GRM8: variants seen among roughly 807,000 people sequenced by gnomAD.
The protein encoded by GRM8 is metabotropic glutamate receptor 8.
A neutral mutation model predicts 87.2 loss-of-function variants in GRM8; 47 were observed. The ratio of observed to expected loss-of-function variants is 0.54; its 90% CI spans 0.43 to 0.69. GRM8 has a LOEUF of 0.69. Among genes scored for constraint, GRM8 ranks in the 30% least tolerant of loss-of-function variants. The pLI is 0.00. For missense variants in GRM8, 1,019 were observed against 1,139.2 expected (o/e 0.89, Z 1.52); for synonymous variants, 396 against 404.5 (o/e 0.98, Z 0.25).
chr7:127,066,404 T>G (rs764504544), intron 3 of GRM8, among the ~76,000 whole-genome samples: 1 of 152,204 alleles, frequency 6.6e-6, no homozygotes, highest in Non-Finnish European at 1.5e-5. Flanking sequence ...TAAACCACAT[T>G]ATGGGAAAAT....
rs542240195 is a variant in GRM8, at chr7:126,860,274, G to T, written c.1156+42268C>A. Among the ~76,000 whole-genome samples the T allele has an allele frequency of 2.0e-5, 3 of 152,094 alleles. No homozygotes were observed. In the South Asian group the frequency reaches 6.2e-4, roughly 32 times the overall value. ...ACCTCCTCCTCAACTCTCTGACTTC[G>T]TCTTCTGTTGCTCTTCCCTTTGCTA... is the stretch of plus-strand genomic sequence containing the variant. On this transcript the variant is annotated intron_variant, in intron 6 of 10. Coordinates refer to ENST00000339582, the MANE Select transcript of GRM8 (RefSeq NM_000845.3).
intron 3 of GRM8, among the ~76,000 whole-genome samples, chr7:127,035,755 G>T (rs149360805): frequency 0.011 from 1,609 of 152,238 alleles, 11 homozygotes; most frequent in Non-Finnish European, 0.014. Flanking sequence ...CATGCCTAGA[G>T]GGACCTATTA....
At chr7:127,000,211 G>A (rs1813591653) in intron 3 of GRM8, among the ~76,000 whole-genome samples, 1 of 151,734 alleles carries the variant, frequency 6.6e-6, no homozygotes, top group African/African-American at 2.4e-5. Context: ...AACTCATGGA[G>A]AGAGCAGAAG....
intron 6 of GRM8, among the ~76,000 whole-genome samples, chr7:126,898,890 G>A (rs1338283328): frequency 6.6e-6 from 1 of 151,770 alleles, no homozygotes; most frequent in Non-Finnish European, 1.5e-5. Context: ...TTTAAGCCCC[G>A]CATGCATTAG....
At chr7:126,458,361 A>T (rs1236862800) in intron 9 of GRM8, among the ~76,000 whole-genome samples, 1 of 151,264 alleles carries the variant, frequency 6.6e-6, no homozygotes, top group Non-Finnish European at 1.5e-5. Flanking sequence ...TATGCCAGGA[A>T]AATGTAAACA....
intron 9 of GRM8, among the ~76,000 whole-genome samples, chr7:126,507,715 C>T (rs968740564): frequency 4.6e-5 from 7 of 152,130 alleles, no homozygotes; most frequent in African/African-American, 9.6e-5. Context: ...GATGAAGGTC[C>T]GCAGCCCAGG....
At chr7:126,834,157 C>T (rs1795642269) in intron 6 of GRM8, among the ~76,000 whole-genome samples, 1 of 152,198 alleles carries the variant, frequency 6.6e-6, no homozygotes, top group East Asian at 1.9e-4. Flanking sequence ...TATAGATGTA[C>T]TCAGTGTCCA....
chr7:126,751,719 T>C (rs984167171), intron 7 of GRM8, among the ~76,000 whole-genome samples: 9 of 152,104 alleles, frequency 5.9e-5, no homozygotes, highest in African/African-American at 1.9e-4. Context: ...GAACAGACAA[T>C]AGGGAGGGCT....
chr7:126,750,953 C>A (rs1816344852), intron 7 of GRM8, among the ~76,000 whole-genome samples: 1 of 152,076 alleles, frequency 6.6e-6, no homozygotes, highest in Admixed American at 6.6e-5. Flanking sequence ...AGTCACAAAT[C>A]CTGGCTTCAC....
chr7:126,858,330 T>C (rs1294578595), intron 6 of GRM8, among the ~76,000 whole-genome samples: 1 of 152,128 alleles, frequency 6.6e-6, no homozygotes, highest in Non-Finnish European at 1.5e-5. Flanking sequence ...AATTTTTAAA[T>C]TTACTCCTAT....
intron 3 of GRM8, among the ~76,000 whole-genome samples, chr7:127,078,727 C>A (rs1344619199): frequency 6.6e-6 from 1 of 152,132 alleles, no homozygotes; most frequent in Non-Finnish European, 1.5e-5. Context: ...GCAATCAGGG[C>A]TATTTTAAAG....
intron 7 of GRM8, among the ~76,000 whole-genome samples, chr7:126,636,512 G>A (rs1253941894): frequency 6.6e-6 from 1 of 152,026 alleles, no homozygotes; most frequent in Non-Finnish European, 1.5e-5. Context: ...GTCTGTACAT[G>A]TTCAATACAA....
chr7:126,768,357 TAAAAAAAAA>T (rs57868820), intron 7 of GRM8, among the ~76,000 whole-genome samples: 4 of 53,550 alleles, frequency 7.5e-5, no homozygotes, highest in African/African-American at 3.3e-4. Context: ...TTTGATAATG[TAAAAAAAAA>T]AAAAAAAAAA....
intron 2 of GRM8, among the ~76,000 whole-genome samples, chr7:127,123,686 T>C (rs1827205381): frequency 2.0e-5 from 3 of 152,238 alleles, no homozygotes; most frequent in Non-Finnish European, 2.9e-5. Flanking sequence ...ACTTTATTAT[T>C]CTGCCCATGG....
At chr7:126,996,694 A>G (rs529778224) in intron 3 of GRM8, among the ~76,000 whole-genome samples, 62 of 152,250 alleles carry the variant, frequency 4.1e-4, no homozygotes, top group African/African-American at 1.4e-3. Context: ...ATAAGAAGAG[A>G]CAACATTGTT....
intron 7 of GRM8, among the ~76,000 whole-genome samples, chr7:126,704,765 T>C (rs1810316515): frequency 6.6e-6 from 1 of 152,106 alleles, no homozygotes; most frequent in Non-Finnish European, 1.5e-5. Context: ...GCCCAATAAA[T>C]TTTTAACAGA....
At chr7:126,668,941 G>A (rs180872038) in intron 7 of GRM8, among the ~76,000 whole-genome samples, 1 of 152,140 alleles carries the variant, frequency 6.6e-6, no homozygotes, top group African/African-American at 2.4e-5. Context: ...CTGCAATAAA[G>A]ATAAAGAAAA....
intron 3 of GRM8, among the ~76,000 whole-genome samples, chr7:127,035,033 C>T (rs765765096): frequency 5.3e-5 from 8 of 152,052 alleles, no homozygotes; most frequent in Non-Finnish European, 1.0e-4. Context: ...CAGTAAATAG[C>T]CAGAAAAAGA....
intron 3 of GRM8, among the ~76,000 whole-genome samples, chr7:127,087,200 C>T (rs1823600358): frequency 6.6e-6 from 1 of 152,278 alleles, no homozygotes; most frequent in East Asian, 1.9e-4. Flanking sequence ...AGGCCCTTCT[C>T]CACTGCAGGG....
Sources: allele counts gnomAD v4.1 joint callset (sites outside exome capture counted in the v4.1 genomes callset), GRCh38; gene constraint gnomAD v4.1.1; transcripts MANE v1.5; gene names NCBI Gene and HGNC (gene_info 2026-07-23, HGNC 2026-07-21).